The following DOK6 variants were observed in gnomAD, a reference collection of about 807,000 sequenced individuals.
DOK6 encodes the protein downstream of tyrosine kinase 6.
DOK6 carries 22 observed loss-of-function variants against 44.0 expected under a neutral mutation model. The observed-to-expected ratio is 0.50, with a 90% CI of 0.36 to 0.71. The LOEUF (loss-of-function observed/expected upper bound fraction) is 0.71. DOK6 is among the 30% of genes least tolerant of loss of function. The pLI, the probability that DOK6 is intolerant of heterozygous loss-of-function variation, is 0.00. For synonymous variants in DOK6, 166 were observed against 145.5 expected (o/e 1.14, Z -1.01); for missense variants, 340 against 416.4 (o/e 0.82, Z 1.60).
In DOK6 at chr18:69,512,124, A is replaced by C. The variant is rs1981383831; in HGVS notation, c.67-52363A>C. Among the ~76,000 whole-genome samples the C allele has an allele frequency of 2.3e-5, 3 of 129,440 alleles. No individual in the cohort carries two copies. The South Asian group carries it at 8.5e-4, about 37-fold the overall frequency. The allele number at this position is 129,440 out of a possible 152,430, so 84.9% of individuals were successfully genotyped here. Reference sequence around the variant, plus strand: ...CACACACAATCTTTAGGTTTAAAATATATTTTATTTTTGTGGAAATTATAT... The same window carrying C: ...CACACACAATCTTTAGGTTTAAAATCTATTTTATTTTTGTGGAAATTATAT... On this transcript the variant is annotated intron_variant, in intron 1 of 7. Transcript: ENST00000382713.
At chr18:69,618,236 T>C (rs1424945660) in intron 3 of DOK6, among the ~76,000 whole-genome samples, 2 of 152,168 alleles carry the variant, frequency 1.3e-5, no homozygotes, top group Non-Finnish European at 2.9e-5. Flanking sequence ...CCACGCAGTT[T>C]GTGATCATTT....
At chr18:69,531,821 T>C (rs1473373015) in intron 1 of DOK6, among the ~76,000 whole-genome samples, 1 of 152,138 alleles carries the variant, frequency 6.6e-6, no homozygotes, top group East Asian at 1.9e-4. Context: ...TACATTTTCA[T>C]GAAAATTTAA....
At chr18:69,717,496 G>A (rs888102535) in intron 5 of DOK6, among the ~76,000 whole-genome samples, 3 of 152,122 alleles carry the variant, frequency 2.0e-5, no homozygotes, top group Admixed American at 2.0e-4. Context: ...CAATAGATAA[G>A]GACATCATTT....
chr18:69,437,842 T>A (rs1473663685), intron 1 of DOK6, among the ~76,000 whole-genome samples: 5 of 152,140 alleles, frequency 3.3e-5, no homozygotes, highest in Non-Finnish European at 7.4e-5. Context: ...AAAGCAAATA[T>A]CAAAAAGAGT....
intron 3 of DOK6, among the ~76,000 whole-genome samples, chr18:69,668,463 T>C (rs1367243500): frequency 6.6e-6 from 1 of 152,218 alleles, no homozygotes; most frequent in African/African-American, 2.4e-5. Context: ...TTTATGAATT[T>C]TTGATTCAAG....
chr18:69,789,292 G>A (rs924323645), intron 7 of DOK6, among the ~76,000 whole-genome samples: 34 of 151,976 alleles, frequency 2.2e-4, no homozygotes, highest in African/African-American at 4.6e-4. Flanking sequence ...CTGGCTTTAT[G>A]AGTAAACTAA....
In DOK6 at chr18:69,845,475, G is replaced by A. The variant is rs1469895198; in HGVS notation, c.*4092G>A. 1 of 152,148 alleles carries A rather than the reference G, an allele frequency of 6.6e-6. No homozygotes were observed. The highest frequency in any genetic ancestry group is 1.5e-5 in the Non-Finnish European group (1 of 68,026). 9.4% of individuals were successfully genotyped at this position (152,148 alleles called of 1,614,324 possible). On this transcript the variant is annotated 3_prime_UTR_variant, in exon 8 of 8. Coordinates refer to ENST00000382713, the MANE Select transcript of DOK6 (RefSeq NM_152721.6). ...ATTTGCCACTGAATATGCATTAATA[G>A]CTATAACAATGGGTGACATGCCACA...
At chr18:69,625,232 G>C (rs774007635) in intron 3 of DOK6, among the ~76,000 whole-genome samples, 2 of 152,074 alleles carry the variant, frequency 1.3e-5, no homozygotes, top group Admixed American at 6.6e-5. Context: ...ATTCATTTAA[G>C]GTGATAAGTT....
intron 3 of DOK6, among the ~76,000 whole-genome samples, chr18:69,670,378 G>T (rs1985766841): frequency 6.6e-6 from 1 of 152,098 alleles, no homozygotes; most frequent in African/African-American, 2.4e-5. Context: ...CAGAAGAGTT[G>T]CACAGAAAGC....
At chr18:69,581,746 A>AC (rs2144610306) in intron 2 of DOK6, among the ~76,000 whole-genome samples, 1 of 152,366 alleles carries the variant, frequency 6.6e-6, no homozygotes. Flanking sequence ...CTTCCTACAG[A>AC]TAGGGAGGTA....
chr18:69,818,763 C>A (rs897495693), intron 7 of DOK6, among the ~76,000 whole-genome samples: 3 of 152,170 alleles, frequency 2.0e-5, no homozygotes, highest in African/African-American at 7.2e-5. Context: ...GGCTACCAGG[C>A]CCCAGGCCAA....
At position 69,612,447 on chromosome 18, in the gene DOK6, A is replaced by C. The variant is rs1379100222; in HGVS notation, c.289+12949A>C. ...CGAGGGCGCATGTGTGCGAGGGCGC[A>C]TGTGTGCGAGCGTGCATATGTATTT... On this transcript the variant is annotated intron_variant, in intron 3 of 7. Transcript: ENST00000382713. Among the ~76,000 whole-genome samples, 2 of 150,974 alleles carry C rather than the reference A, an allele frequency of 1.3e-5. 1 individual carries two copies. The highest frequency in any genetic ancestry group is 3.0e-5 in the Non-Finnish European group (2 of 67,440).
At chr18:69,820,427 C>T (rs1317356617) in intron 7 of DOK6, among the ~76,000 whole-genome samples, 1 of 152,176 alleles carries the variant, frequency 6.6e-6, no homozygotes, top group Non-Finnish European at 1.5e-5. Context: ...GGACTTCAAG[C>T]AAGAATCAAG....
intron 1 of DOK6, among the ~76,000 whole-genome samples, chr18:69,423,192 C>A (rs757814977): frequency 2.0e-5 from 3 of 152,250 alleles, no homozygotes; most frequent in Non-Finnish European, 2.9e-5. Flanking sequence ...AGCCCAGCCA[C>A]GCGGGAGGCT....
chr18:69,599,283 G>T, intron 2 of DOK6, 101 bp from the exon 3 acceptor site: 1 of 844,818 alleles, frequency 1.2e-6, no homozygotes, highest in South Asian at 1.9e-5. Flanking sequence ...AATATCCCGT[G>T]GAAATTCATG....
chr18:69,637,203 G>A (rs866140342), intron 3 of DOK6, among the ~76,000 whole-genome samples: 2 of 152,048 alleles, frequency 1.3e-5, no homozygotes, highest in Non-Finnish European at 2.9e-5. Flanking sequence ...CCCACTGATC[G>A]TTATTATTTA....
chr18:69,481,672 G>A (rs537745119), intron 1 of DOK6, among the ~76,000 whole-genome samples: 3,507 of 152,050 alleles, frequency 0.023, 131 homozygotes, highest in African/African-American at 0.08. Flanking sequence ...GAATAGTGCC[G>A]CAATAAACAT....
rs868117031 is a variant in DOK6, at chr18:69,801,376, A to C, written c.857-39868A>C. On this transcript the variant is annotated intron_variant, in intron 7 of 7. Coordinates refer to ENST00000382713, the MANE Select transcript of DOK6 (RefSeq NM_152721.6). ...CTGCTATTAAGTGCCAAAATTAAAA[A>C]TCATTAATTAATTTTTAATGAATAG... Among the ~76,000 whole-genome samples, 17 of 152,322 alleles carry C rather than the reference A, an allele frequency of 1.1e-4. No individual in the cohort carries two copies. In the South Asian group the frequency reaches 1.2e-3, roughly 11 times the overall value.
chr18:69,417,788 A>G (rs935898178), intron 1 of DOK6, among the ~76,000 whole-genome samples: 5 of 152,056 alleles, frequency 3.3e-5, no homozygotes, highest in Non-Finnish European at 7.4e-5. Context: ...TGTGGTTTCT[A>G]TTTGCATTTC....
Sources: gnomAD v4.1 joint callset for allele counts (sites outside exome capture counted in the v4.1 genomes callset) on GRCh38, gnomAD v4.1.1 for gene constraint, MANE v1.5 for transcripts, NCBI Gene and HGNC (gene_info 2026-07-23, HGNC 2026-07-21) for gene names.